Variants in NR2C2 observed in about 807,000 individuals in gnomAD.
NR2C2 encodes nuclear receptor subfamily 2 group C member 2.
NR2C2 carries 6 observed loss-of-function variants against 62.9 expected under a neutral mutation model. The observed-to-expected ratio is 0.10, with a 90% CI of 0.05 to 0.19. The LOEUF (loss-of-function observed/expected upper bound fraction) is 0.19, where lower values mean the gene tolerates loss of function less well. NR2C2 is among the 10% of genes least tolerant of loss of function. The pLI is 1.00. For synonymous variants in NR2C2, 272 were observed against 273.8 expected, an observed-to-expected ratio of 0.99 and a Z score of 0.07; for missense variants, 479 against 762.7, an observed-to-expected ratio of 0.63 and a Z score of 4.38.
At chr3:15,008,948 C>T (rs1404001158) in intron 2 of NR2C2, among the ~76,000 whole-genome samples, 3 of 152,290 alleles carry the variant, frequency 2.0e-5, no homozygotes, top group South Asian at 4.1e-4. Flanking sequence ...TGGTCGGGCG[C>T]GGCGGCTAGT....
At chr3:15,039,074 CT>C (rs773014034) in intron 12 of NR2C2, 47 bp from the exon 13 acceptor site, 1 of 1,416,510 alleles carries the variant, frequency 7.1e-7, no homozygotes, top group Non-Finnish European at 1.0e-6. Flanking sequence ...ACAAGTGAGA[CT>C]TTTCAAATAC....
intron 1 of NR2C2, among the ~76,000 whole-genome samples, chr3:14,957,165 A>G (rs527709533): frequency 6.6e-6 from 1 of 152,338 alleles, no homozygotes; most frequent in East Asian, 1.9e-4. Flanking sequence ...AAGACAGTAG[A>G]TACTTTGCAT....
intron 1 of NR2C2, among the ~76,000 whole-genome samples, chr3:14,973,628 C>CTTCT (rs1360651584): frequency 6.6e-6 from 1 of 152,062 alleles, no homozygotes; most frequent in African/African-American, 2.4e-5. Flanking sequence ...AGGAGTCTGA[C>CTTCT]TTCTTTCTTT....
At chr3:14,949,390 C>G (rs1304996103) in intron 1 of NR2C2, among the ~76,000 whole-genome samples, 2 of 152,174 alleles carry the variant, frequency 1.3e-5, no homozygotes, top group Non-Finnish European at 2.9e-5. Context: ...GGAGGAAGAG[C>G]ATTTGATGTG....
rs983271924 is a variant in NR2C2, at chr3:15,047,750, G to A, written c.*4742G>A. 3.3e-5 allele frequency: 5 copies of A among 152,242 alleles called. No individual in the cohort carries two copies. Among genetic ancestry groups the A allele is most frequent in the African/African-American group, 4.8e-5 (2 of 41,468 alleles). The allele number at this position is 152,242 out of a possible 1,614,324, so 9.4% of individuals were successfully genotyped here. On this transcript the variant is annotated 3_prime_UTR_variant, in exon 14 of 14. Transcript: ENST00000425241. ...TTATTCTTTAAAACTAAGCATGGAT[G>A]TTGATGGCTAACTTCTGCGGCATAT...
rs2041948819 is a variant in NR2C2 at position 15,030,393 on chromosome 3, T to G, written c.1051T>G (p.Ser351Ala). 1 of 1,610,862 alleles carries G rather than the reference T, an allele frequency of 6.2e-7. No individual in the cohort carries two copies. ...CATCCACGTCATCAGCAGAGACCAGTCGACACCCATCATTGAGGTTGAAGG... is the reference window on the plus strand; with the variant it reads ...CATCCACGTCATCAGCAGAGACCAGGCGACACCCATCATTGAGGTTGAAGG... ...GSIHVISRDQ[S>A]TPIIEVEGPL... is the part of the protein sequence containing the mutation. The change falls in exon 9 of 14, where the codon TCG (serine) becomes GCG (alanine). Residue 351 changes from serine (S) to alanine (A), a missense_variant. Coordinates refer to ENST00000425241, the MANE Select transcript of NR2C2 (RefSeq NM_001291694.2).
In NR2C2 at chr3:15,044,401, G is replaced by GAT. The variant is rs745491080; in HGVS notation, c.*1395_*1396dup. The GAT allele has an allele frequency of 5.9e-5, 9 of 152,284 alleles. No homozygotes were observed. Among genetic ancestry groups the GAT allele is most frequent in the South Asian group, 4.1e-4 (2 of 4,828 alleles). 9.4% of individuals were successfully genotyped at this position (152,284 alleles called of 1,614,324 possible). A position where few individuals can be genotyped will look rare whatever the true frequency, so the allele number is the denominator to read the frequency against. On this transcript the variant is annotated 3_prime_UTR_variant, in exon 14 of 14. Coordinates refer to ENST00000425241, the MANE Select transcript of NR2C2 (RefSeq NM_001291694.2). ...AAAAACAACCCTCAATTTCCAGGGT[G>GAT]ATAGTCTTTCTCCTCATAAATTGTA...
At chr3:14,971,717 C>T (rs1360727564) in intron 1 of NR2C2, among the ~76,000 whole-genome samples, 1 of 151,462 alleles carries the variant, frequency 6.6e-6, no homozygotes, top group Non-Finnish European at 1.5e-5. Flanking sequence ...GTGGTTTTGA[C>T]TTGCACTTCC....
In NR2C2 at chr3:14,975,927, A is replaced by T. The variant is rs2040191396; in HGVS notation, c.-39-27949A>T. ...TTTGGATTTTGTTTCTTTTTTAAAAAATATAATTTTTATTTTATTTTATTT... is the reference window on the plus strand; with the variant it reads ...TTTGGATTTTGTTTCTTTTTTAAAATATATAATTTTTATTTTATTTTATTT... On this transcript the variant is annotated intron_variant, in intron 1 of 13. Transcript: ENST00000425241. Among the ~76,000 whole-genome samples, 3 of 152,058 alleles carry T rather than the reference A, an allele frequency of 2.0e-5. No homozygotes were observed. In the South Asian group the frequency reaches 6.2e-4, roughly 32 times the overall value.
At chr3:15,031,384 T>C (rs891184708) in intron 9 of NR2C2, among the ~76,000 whole-genome samples, 1 of 141,822 alleles carries the variant, frequency 7.1e-6, no homozygotes, top group Non-Finnish European at 1.5e-5. Flanking sequence ...TTTTTTTTTT[T>C]AAACAAATAC....
intron 13 of NR2C2, among the ~76,000 whole-genome samples, chr3:15,040,159 CAAAAAACAAAAA>C (rs1014435005): frequency 2.2e-4 from 30 of 135,050 alleles, no homozygotes; most frequent in Middle Eastern, 3.7e-3. Flanking sequence ...GACTCCTTCT[CAAAAAACAAAAA>C]AAAAAACAAC....
At chr3:15,030,247 C>G (rs751937560) in intron 8 of NR2C2, 28 bp from the exon 9 acceptor site, 2 of 1,592,336 alleles carry the variant, frequency 1.3e-6, no homozygotes, top group Non-Finnish European at 1.7e-6. Flanking sequence ...AGATTCACAA[C>G]AATTACATGC....
At chr3:14,989,452 C>T (rs568616221) in intron 1 of NR2C2, among the ~76,000 whole-genome samples, 1 of 152,180 alleles carries the variant, frequency 6.6e-6, no homozygotes, top group South Asian at 2.1e-4. Context: ...TCCATATATT[C>T]TTGCCTACAC....
rs150703668 is a variant in NR2C2, at chr3:15,025,121, T to G, written c.798+913T>G. Among the ~76,000 whole-genome samples the G allele has an allele frequency of 6.6e-3, 1,006 of 152,374 alleles. 14 individuals are homozygous for G. Among genetic ancestry groups the G allele is most frequent in the African/African-American group, 0.022 (902 of 41,588 alleles). ...GATCACGCATCGTGGGCTTAGCTTATCAGCAGCACACATTCTAGAACAGTG... is the reference window on the plus strand; with the variant it reads ...GATCACGCATCGTGGGCTTAGCTTAGCAGCAGCACACATTCTAGAACAGTG... On this transcript the variant is annotated intron_variant, in intron 7 of 13. Transcript: ENST00000425241.
chr3:14,948,743 G>C (rs1286911540), intron 1 of NR2C2: 2 of 152,276 alleles, frequency 1.3e-5, no homozygotes, highest in African/African-American at 4.8e-5. Context: ...GAAGCATTTC[G>C]AGTCCACGAT....
intron 1 of NR2C2, among the ~76,000 whole-genome samples, chr3:15,001,534 C>T (rs1397460725): frequency 6.6e-6 from 1 of 151,888 alleles, no homozygotes; most frequent in East Asian, 1.9e-4. Context: ...GGGGTTTCAC[C>T]ATGTTGGCCA....
intron 1 of NR2C2, among the ~76,000 whole-genome samples, chr3:14,978,808 C>T (rs1280925797): frequency 6.6e-6 from 1 of 152,088 alleles, no homozygotes; most frequent in Non-Finnish European, 1.5e-5. Context: ...GGTCTGGGAC[C>T]TCTTTGGTTC....
rs41284021 is a variant in NR2C2 at position 15,039,098 on chromosome 3, G to T, written c.1511-24G>T. ...ACTTTTCAAATACAGAGGGAACTGGGGGGGGGTACTTTTCTGTTTTCAGAT... is the reference window on the plus strand; with the variant it reads ...ACTTTTCAAATACAGAGGGAACTGGTGGGGGGTACTTTTCTGTTTTCAGAT... On this transcript the variant is annotated intron_variant, in intron 12 of 13. Transcript: ENST00000425241. The T allele has an allele frequency of 6.9e-3, 10,677 of 1,558,386 alleles. 280 individuals are homozygous for T. The highest frequency in any genetic ancestry group is 0.065 in the South Asian group (5,880 of 89,970).
At chr3:14,982,230 A>G (rs1436515649) in intron 1 of NR2C2, among the ~76,000 whole-genome samples, 2 of 152,038 alleles carry the variant, frequency 1.3e-5, no homozygotes, top group Non-Finnish European at 2.9e-5. Context: ...ATACCCAGCT[A>G]TTTATTTACT....
Sources: allele counts gnomAD v4.1 joint callset (sites outside exome capture counted in the v4.1 genomes callset), GRCh38; gene constraint gnomAD v4.1.1; transcripts MANE v1.5; gene names NCBI Gene and HGNC (gene_info 2026-07-23, HGNC 2026-07-21).